Variants in WAC observed in about 807,000 individuals in gnomAD.
The protein encoded by WAC is WW domain containing adaptor with coiled-coil.
Under a neutral mutation model 79.6 loss-of-function variants are expected in WAC, and 11 were observed. The observed-to-expected ratio is 0.14, with a 90% CI of 0.09 to 0.23. The LOEUF (loss-of-function observed/expected upper bound fraction) is 0.23, where lower values mean the gene tolerates loss of function less well. Among genes scored for constraint, WAC ranks in the 10% least tolerant of loss-of-function variants. The pLI is 1.00. For synonymous variants in WAC, 304 were observed against 276.9 expected (o/e 1.10, Z -0.97); for missense variants, 728 against 773.5 (o/e 0.94, Z 0.70).
intron 7 of WAC, among the ~76,000 whole-genome samples, chr10:28,602,401 C>T (rs1840687115): frequency 6.6e-6 from 1 of 152,118 alleles, no homozygotes; most frequent in Non-Finnish European, 1.5e-5. Flanking sequence ...AAATTAAAGT[C>T]ACAGATTTAG....
chr10:28,545,436 C>T (rs1418601129), intron 3 of WAC, among the ~76,000 whole-genome samples: 3 of 152,040 alleles, frequency 2.0e-5, no homozygotes, highest in Non-Finnish European at 2.9e-5. Context: ...GCTGAGATCA[C>T]GCCATTACAT....
At chr10:28,616,395 G>T (rs1841468774) in intron 12 of WAC, 33 bp downstream of exon 12, 1 of 1,455,756 alleles carries the variant, frequency 6.9e-7, no homozygotes, top group Non-Finnish European at 9.2e-7. Context: ...TTTACCTTTG[G>T]ATGATTAGCA....
intron 11 of WAC, chr10:28,615,406 C>T (rs932591695): frequency 6.6e-6 from 1 of 152,194 alleles, no homozygotes; most frequent in African/African-American, 2.4e-5. Flanking sequence ...CTTACTCCAG[C>T]AATGTTGCCA....
At chr10:28,592,457 A>G (rs1413725343) in intron 6 of WAC, among the ~76,000 whole-genome samples, 1 of 152,060 alleles carries the variant, frequency 6.6e-6, no homozygotes, top group Non-Finnish European at 1.5e-5. Flanking sequence ...CCCCGTCTCT[A>G]CTAAAATACA....
Position 28,533,646 on chromosome 10 carries a change from G to GGGC in WAC, c.41+35_41+37dup, listed in dbSNP as rs758096737. 1,231 of 1,594,868 alleles carry GGGC rather than the reference G, an allele frequency of 7.7e-4. 1 individual carries two copies. The highest frequency in any genetic ancestry group is 1.2e-3 in the South Asian group (106 of 89,544). On this transcript the variant is annotated intron_variant, in intron 1 of 13. Transcript: ENST00000354911. ...GTAAATTGTCTTTTCGTTTCGGGCC[G>GGGC]GGCGGCGGCGGGGGGCGGCGGCGGG...
At chr10:28,595,393 TATAAG>T (rs925953640) in intron 6 of WAC, among the ~76,000 whole-genome samples, 24 of 151,632 alleles carry the variant, frequency 1.6e-4, no homozygotes, top group Admixed American at 5.3e-4. Flanking sequence ...TTTAAAATTT[TATAAG>T]ATATTATAAC....
chr10:28,619,502 G>A (rs867493547), intron 13 of WAC, 35 bp from the exon 14 acceptor site: 2 of 1,481,280 alleles, frequency 1.4e-6, no homozygotes, highest in Middle Eastern at 2.3e-4. Flanking sequence ...ATTTGTATAT[G>A]TACACAGGTT....
intron 3 of WAC, among the ~76,000 whole-genome samples, chr10:28,542,216 C>T (rs1837092798): frequency 6.6e-6 from 1 of 152,212 alleles, no homozygotes; most frequent in Non-Finnish European, 1.5e-5. Context: ...TCTCACAGGG[C>T]CTTCTCTGCC....
At chr10:28,540,565 A>G (rs1186569824) in intron 3 of WAC, among the ~76,000 whole-genome samples, 2 of 152,252 alleles carry the variant, frequency 1.3e-5, no homozygotes, top group Non-Finnish European at 2.9e-5. Flanking sequence ...AGATTTCACT[A>G]GGAAAAGTCC....
intron 4 of WAC, among the ~76,000 whole-genome samples, chr10:28,585,067 AAAAAG>A (rs1291125775): frequency 6.6e-6 from 1 of 152,196 alleles, no homozygotes; most frequent in Admixed American, 6.5e-5. Context: ...GACTGTCTCA[AAAAAG>A]AAAAGAAAAT....
At chr10:28,562,271 G>A (rs1361733463) in intron 3 of WAC, among the ~76,000 whole-genome samples, 7 of 152,056 alleles carry the variant, frequency 4.6e-5, no homozygotes, top group Non-Finnish European at 8.8e-5. Flanking sequence ...TAGCCAGGCT[G>A]GTCTCGAACT....
chr10:28,544,030 G>A (rs546845484), intron 3 of WAC, among the ~76,000 whole-genome samples: 3 of 152,038 alleles, frequency 2.0e-5, no homozygotes, highest in Admixed American at 6.6e-5. Flanking sequence ...TTACAGGTGC[G>A]CACTGCCACG....
At chr10:28,536,521 T>C (rs1419752932) in intron 3 of WAC, among the ~76,000 whole-genome samples, 1 of 152,236 alleles carries the variant, frequency 6.6e-6, no homozygotes, top group Non-Finnish European at 1.5e-5. Context: ...TAAAAAATTA[T>C]TTATGACTTA....
At position 28,576,710 on chromosome 10, in the gene WAC, A is replaced by G. The variant is rs953991136; in HGVS notation, c.275-6689A>G. Among the ~76,000 whole-genome samples, 5 of 152,202 alleles carry G rather than the reference A, an allele frequency of 3.3e-5. No homozygotes were observed. In the East Asian group the frequency reaches 5.8e-4, roughly 18 times the overall value. Reference sequence around the variant, plus strand: ...GATGTTAGACAGTTCTTTGGGAGACATGTATAATGCCCAGTAGGCATCCCT... The same window carrying G: ...GATGTTAGACAGTTCTTTGGGAGACGTGTATAATGCCCAGTAGGCATCCCT... On this transcript the variant is annotated intron_variant, in intron 3 of 13. Transcript: ENST00000354911.
intron 3 of WAC, among the ~76,000 whole-genome samples, chr10:28,560,204 A>G (rs1838225862): frequency 6.6e-6 from 1 of 152,042 alleles, no homozygotes; most frequent in Non-Finnish European, 1.5e-5. Context: ...AAATTTAAAA[A>G]TTAGCCAGGC....
chr10:28,562,890 T>C (rs952762251), intron 3 of WAC, among the ~76,000 whole-genome samples: 1 of 152,202 alleles, frequency 6.6e-6, no homozygotes, highest in African/African-American at 2.4e-5. Context: ...GTGAAAAATG[T>C]ATTTTTTACT....
chr10:28,545,394 T>C (rs1413377211), intron 3 of WAC, among the ~76,000 whole-genome samples: 2 of 152,070 alleles, frequency 1.3e-5, no homozygotes, highest in Admixed American at 6.6e-5. Context: ...GCAGGAGAAT[T>C]GCTTGAACCC....
At chr10:28,577,322 A>T (rs992457023) in intron 3 of WAC, among the ~76,000 whole-genome samples, 1 of 152,044 alleles carries the variant, frequency 6.6e-6, no homozygotes, top group Non-Finnish European at 1.5e-5. Context: ...TTTTATCCTA[A>T]TGGTTTTTTT....
intron 4 of WAC, among the ~76,000 whole-genome samples, chr10:28,583,707 G>A (rs181954929): frequency 6.6e-6 from 1 of 152,120 alleles, no homozygotes; most frequent in African/African-American, 2.4e-5. Flanking sequence ...GAACTGAAGA[G>A]TTGTCAGAAG....
Sources: allele counts gnomAD v4.1 joint callset (sites outside exome capture counted in the v4.1 genomes callset), GRCh38; gene constraint gnomAD v4.1.1; transcripts MANE v1.5; gene names NCBI Gene and HGNC (gene_info 2026-07-23, HGNC 2026-07-21).